Variants in NUDCD3 observed in about 807,000 individuals in gnomAD.
The protein encoded by NUDCD3 is NudC domain containing 3.
Under a neutral mutation model 39.7 loss-of-function variants are expected in NUDCD3, and 13 were observed. That is an observed-to-expected ratio of 0.33 (90% CI 0.21 to 0.52). The LOEUF (loss-of-function observed/expected upper bound fraction) is 0.52. Ranked by LOEUF, NUDCD3 falls within the 20% of genes least tolerant of loss-of-function variation. NUDCD3 has a pLI of 0.96. For missense variants in NUDCD3, 453 were observed against 458.1 expected, an observed-to-expected ratio of 0.99 and a Z score of 0.10; for synonymous variants, 175 against 172.4, an observed-to-expected ratio of 1.02 and a Z score of -0.12.
intron 2 of NUDCD3, among the ~76,000 whole-genome samples, chr7:44,450,920 A>C (rs1427202764): frequency 6.6e-6 from 1 of 152,238 alleles, no homozygotes; most frequent in African/African-American, 2.4e-5. Flanking sequence ...AGATGAATAG[A>C]CAAAAAATAA....
At chr7:44,427,001 C>T (rs1265285635) in intron 3 of NUDCD3, among the ~76,000 whole-genome samples, 1 of 152,124 alleles carries the variant, frequency 6.6e-6, no homozygotes, top group African/African-American at 2.4e-5. Flanking sequence ...CATCACCATA[C>T]ACGGGGAGGT....
intron 2 of NUDCD3, among the ~76,000 whole-genome samples, chr7:44,429,124 T>C (rs983974827): frequency 2.0e-5 from 3 of 152,202 alleles, no homozygotes; most frequent in Non-Finnish European, 4.4e-5. Context: ...GGGTATGCCC[T>C]GCACACTGTC....
intron 2 of NUDCD3, among the ~76,000 whole-genome samples, chr7:44,432,072 C>G (rs1300658157): frequency 2.0e-5 from 3 of 152,108 alleles, no homozygotes; most frequent in African/African-American, 7.2e-5. Context: ...TACTTGAGGC[C>G]AGGAGTTTGA....
chr7:44,488,716 T>C (rs1585114184), intron 1 of NUDCD3, among the ~76,000 whole-genome samples: 1 of 152,200 alleles, frequency 6.6e-6, no homozygotes, highest in African/African-American at 2.4e-5. Flanking sequence ...AGTTGAAACC[T>C]TGGATCATCT....
chr7:44,430,461 GCTGGAAA>G (rs1274496435), intron 2 of NUDCD3, among the ~76,000 whole-genome samples: 1 of 152,032 alleles, frequency 6.6e-6, no homozygotes, highest in Non-Finnish European at 1.5e-5. Context: ...TACCTTTATG[GCTGGAAA>G]CTGGAGACTT....
chr7:44,445,776 T>C (rs1799680606), intron 2 of NUDCD3, among the ~76,000 whole-genome samples: 1 of 152,182 alleles, frequency 6.6e-6, no homozygotes, highest in South Asian at 2.1e-4. Context: ...AGTTCTCTAA[T>C]GAGAAAGTGA....
chr7:44,400,844 C>T (rs1385686845), intron 4 of NUDCD3, among the ~76,000 whole-genome samples: 2 of 152,180 alleles, frequency 1.3e-5, no homozygotes, highest in Admixed American at 6.5e-5. Context: ...ACTGGATAAT[C>T]CAGGGTGATT....
In NUDCD3 at chr7:44,385,939, G is replaced by A; in HGVS notation, c.*72C>T. 1.3e-6 allele frequency: 1 copy of A among 795,878 alleles called. No homozygotes were observed. The highest frequency in any genetic ancestry group is 1.7e-5 in the African/African-American group (1 of 58,852). 49.3% of individuals were successfully genotyped at this position (795,878 alleles called of 1,614,324 possible). A position where few individuals can be genotyped will look rare whatever the true frequency, so the allele number is the denominator to read the frequency against. On this transcript the variant is annotated 3_prime_UTR_variant, in exon 6 of 6. Transcript: ENST00000355451. ...AAGACGAGCAAGTCCCTGGAATGCA[G>A]GGAGCCAAGAAGGGCAGCCGAGGAT...
chr7:44,466,569 G>A (rs1339073158), intron 2 of NUDCD3, among the ~76,000 whole-genome samples: 5 of 152,184 alleles, frequency 3.3e-5, no homozygotes, highest in African/African-American at 1.2e-4. Flanking sequence ...ATGTGGTTCT[G>A]GGCTCAGCCA....
At chr7:44,445,558 T>G (rs1799676033) in intron 2 of NUDCD3, among the ~76,000 whole-genome samples, 1 of 152,230 alleles carries the variant, frequency 6.6e-6, no homozygotes, top group Admixed American at 6.5e-5. Context: ...CTCTGCAGGT[T>G]GCTCCACATC....
intron 3 of NUDCD3, among the ~76,000 whole-genome samples, chr7:44,408,081 T>C (rs1767218066): frequency 6.6e-6 from 1 of 152,132 alleles, no homozygotes. Flanking sequence ...CACAAAGAGA[T>C]GGAATAGACT....
chr7:44,412,036 T>C (rs1798937123), intron 3 of NUDCD3, among the ~76,000 whole-genome samples: 2 of 152,232 alleles, frequency 1.3e-5, no homozygotes, highest in Admixed American at 1.3e-4. Context: ...GGCACACTCA[T>C]GTTCAGGCAG....
chr7:44,400,538 G>A (rs978382132), intron 4 of NUDCD3, among the ~76,000 whole-genome samples: 1 of 152,202 alleles, frequency 6.6e-6, no homozygotes, highest in African/African-American at 2.4e-5. Context: ...TGCTGTGATG[G>A]GAGACCTGCA....
At chr7:44,480,926 A>C (rs1438545607) in intron 2 of NUDCD3, among the ~76,000 whole-genome samples, 2 of 141,770 alleles carry the variant, frequency 1.4e-5, no homozygotes, top group Non-Finnish European at 3.0e-5. Context: ...TGGGCAACAG[A>C]GCAAGACCCA....
At chr7:44,433,262 A>G (rs545273554) in intron 2 of NUDCD3, among the ~76,000 whole-genome samples, 12 of 151,704 alleles carry the variant, frequency 7.9e-5, no homozygotes, top group Non-Finnish European at 1.6e-4. Context: ...CTAGGCCAAC[A>G]TGTGTGTGTG....
intron 2 of NUDCD3, among the ~76,000 whole-genome samples, chr7:44,461,681 G>T (rs1800019349): frequency 6.6e-6 from 1 of 152,132 alleles, no homozygotes; most frequent in Non-Finnish European, 1.5e-5. Context: ...GTGACATGCA[G>T]AATGGCCACA....
At chr7:44,456,964 T>C (rs957502661) in intron 2 of NUDCD3, among the ~76,000 whole-genome samples, 18 of 152,106 alleles carry the variant, frequency 1.2e-4, no homozygotes, top group African/African-American at 4.1e-4. Flanking sequence ...TCAGCAGCAT[T>C]AGTCTCACAT....
At chr7:44,392,237 G>A (rs555066217) in intron 5 of NUDCD3, 60 bp downstream of exon 5, 100 of 1,519,836 alleles carry the variant, frequency 6.6e-5, no homozygotes, top group Middle Eastern at 3.5e-4. Flanking sequence ...TGCCACTATC[G>A]GCCTTGTCAC....
At chr7:44,466,135 C>G (rs1014544866) in intron 2 of NUDCD3, among the ~76,000 whole-genome samples, 1 of 152,102 alleles carries the variant, frequency 6.6e-6, no homozygotes, top group South Asian at 2.1e-4. Flanking sequence ...CTCACAATGG[C>G]CCCTAGAAGC....
Sources: allele counts gnomAD v4.1 joint callset (sites outside exome capture counted in the v4.1 genomes callset), GRCh38; gene constraint gnomAD v4.1.1; transcripts MANE v1.5; gene names NCBI Gene and HGNC (gene_info 2026-07-23, HGNC 2026-07-21).